CTNND2: variants seen among roughly 807,000 people sequenced by gnomAD.
CTNND2 encodes catenin delta-2.
A neutral mutation model predicts 144.4 loss-of-function variants in CTNND2; 22 were observed. The observed-to-expected ratio is 0.15, with a 90% CI of 0.11 to 0.22. The LOEUF (loss-of-function observed/expected upper bound fraction) is 0.22, where lower values mean the gene tolerates loss of function less well. CTNND2 is among the 10% of genes least tolerant of loss of function. The probability of loss-of-function intolerance (pLI) is 1.00; values close to 1 mark genes in which losing one functional copy is unlikely to be tolerated. For missense variants in CTNND2, 1,353 were observed against 1,618.8 expected, an observed-to-expected ratio of 0.84 and a Z score of 2.82; for synonymous variants, 751 against 695.6, an observed-to-expected ratio of 1.08 and a Z score of -1.25.
At chr5:11,053,076 A>G (rs1012576326) in intron 16 of CTNND2, among the ~76,000 whole-genome samples, 4 of 152,226 alleles carry the variant, frequency 2.6e-5, no homozygotes, top group African/African-American at 9.6e-5. Flanking sequence ...GATATATTAC[A>G]ATAAGAAAAG....
chr5:11,057,834 C>T (rs887298165), intron 16 of CTNND2, among the ~76,000 whole-genome samples: 3 of 152,142 alleles, frequency 2.0e-5, no homozygotes, highest in African/African-American at 7.2e-5. Flanking sequence ...AAAGTCCAGG[C>T]TGAGGTGGTC....
intron 9 of CTNND2, among the ~76,000 whole-genome samples, chr5:11,329,706 C>G (rs745355452): frequency 1.1e-4 from 17 of 152,144 alleles, no homozygotes; most frequent in South Asian, 4.1e-4. Flanking sequence ...CAGAGGGAAG[C>G]GTCAGGGTGG....
intron 11 of CTNND2, among the ~76,000 whole-genome samples, chr5:11,174,038 C>T (rs535596787): frequency 9.9e-5 from 15 of 152,236 alleles, no homozygotes; most frequent in East Asian, 5.8e-4. Context: ...GTAATTCAGA[C>T]GTAACACTGG....
chr5:11,080,175 C>A (rs890059053), intron 16 of CTNND2, among the ~76,000 whole-genome samples: 4 of 152,082 alleles, frequency 2.6e-5, no homozygotes, highest in African/African-American at 9.7e-5. Context: ...TATGAATAGA[C>A]ATTACTTAAA....
chr5:11,790,063 C>T (rs1296581100), intron 1 of CTNND2, among the ~76,000 whole-genome samples: 2 of 152,094 alleles, frequency 1.3e-5, no homozygotes, highest in African/African-American at 2.4e-5. Flanking sequence ...ACATGCTTTG[C>T]TATAACTAGT....
chr5:11,242,527 T>C (rs558381057), intron 9 of CTNND2, among the ~76,000 whole-genome samples: 87 of 152,344 alleles, frequency 5.7e-4, no homozygotes, highest in African/African-American at 2.0e-3. Flanking sequence ...AAGACAGTTT[T>C]GGATGGCACC....
intron 1 of CTNND2, among the ~76,000 whole-genome samples, chr5:11,898,882 C>A (rs1190978598): frequency 6.6e-6 from 1 of 152,130 alleles, no homozygotes; most frequent in Non-Finnish European, 1.5e-5. Flanking sequence ...GAAACAAATT[C>A]CAAGATACAT....
chr5:11,336,115 G>T, intron 9 of CTNND2, among the ~76,000 whole-genome samples: 1 of 152,286 alleles, frequency 6.6e-6, no homozygotes, highest in Admixed American at 6.5e-5. Context: ...GAAAATTCTG[G>T]AACTGGGCTC....
chr5:11,648,172 CT>C (rs5865960), intron 2 of CTNND2, among the ~76,000 whole-genome samples: 14,552 of 132,378 alleles, frequency 0.11, 902 homozygotes, highest in Non-Finnish European at 0.16. Context: ...AGAACAGTGA[CT>C]TTTTTTTTTT....
chr5:11,878,509 TG>T (rs1735724538), intron 1 of CTNND2, among the ~76,000 whole-genome samples: 1 of 152,210 alleles, frequency 6.6e-6, no homozygotes. Flanking sequence ...TGCAAATGTT[TG>T]GCAGTGTTCT....
intron 2 of CTNND2, among the ~76,000 whole-genome samples, chr5:11,637,686 C>T (rs957108215): frequency 6.6e-6 from 1 of 152,090 alleles, no homozygotes; most frequent in Admixed American, 6.5e-5. Flanking sequence ...ACCTTAAAAA[C>T]CTGAGCAACA....
chr5:11,671,425 G>T (rs1201007377), intron 2 of CTNND2, among the ~76,000 whole-genome samples: 1 of 152,074 alleles, frequency 6.6e-6, no homozygotes, highest in Non-Finnish European at 1.5e-5. Context: ...ATCAAATGTA[G>T]ATTTGGTCTT....
chr5:11,785,098 T>G (rs1790757559), intron 1 of CTNND2, among the ~76,000 whole-genome samples: 1 of 152,240 alleles, frequency 6.6e-6, no homozygotes, highest in South Asian at 2.1e-4. Flanking sequence ...AAAATTTCCC[T>G]GATTAGAGTT....
chr5:11,663,968 G>A (rs1783417402), intron 2 of CTNND2, among the ~76,000 whole-genome samples: 1 of 152,088 alleles, frequency 6.6e-6, no homozygotes, highest in Non-Finnish European at 1.5e-5. Flanking sequence ...AAGCCAAGAA[G>A]GTAGAAACCA....
At chr5:11,756,974 A>G (rs911759333) in intron 1 of CTNND2, among the ~76,000 whole-genome samples, 7 of 151,738 alleles carry the variant, frequency 4.6e-5, no homozygotes, top group Admixed American at 3.9e-4. Context: ...TACCATTATA[A>G]AAAGTTGCTT....
intron 1 of CTNND2, among the ~76,000 whole-genome samples, chr5:11,792,067 G>T (rs1791159884): frequency 6.6e-6 from 1 of 152,156 alleles, no homozygotes; most frequent in South Asian, 2.1e-4. Context: ...CTCTGGGAAT[G>T]AAACCAGAAT....
At chr5:11,281,585 G>C (rs561946329) in intron 9 of CTNND2, among the ~76,000 whole-genome samples, 1 of 152,294 alleles carries the variant, frequency 6.6e-6, no homozygotes, top group East Asian at 1.9e-4. Context: ...AGACTAGGTG[G>C]CATAAACAAC....
chr5:11,879,919 A>C (rs1465975247), intron 1 of CTNND2, among the ~76,000 whole-genome samples: 1 of 152,172 alleles, frequency 6.6e-6, no homozygotes, highest in East Asian at 1.9e-4. Context: ...CTGACGAAAT[A>C]GGGACATACG....
chr5:11,408,586 A>G (rs987448267), intron 5 of CTNND2, among the ~76,000 whole-genome samples: 3 of 152,116 alleles, frequency 2.0e-5, no homozygotes, highest in Admixed American at 2.0e-4. Context: ...GAAATAATCA[A>G]CTAAAATCCT....
Sources: allele counts gnomAD v4.1 joint callset (sites outside exome capture counted in the v4.1 genomes callset), GRCh38; gene constraint gnomAD v4.1.1; transcripts MANE v1.5; gene names NCBI Gene and HGNC (gene_info 2026-07-23, HGNC 2026-07-21).